The following MEI4 variants were observed in gnomAD, a reference collection of about 807,000 sequenced individuals.
MEI4 encodes the protein meiotic double-stranded break formation protein 4.
MEI4 carries 27 observed loss-of-function variants against 31.4 expected under a neutral mutation model. The observed-to-expected ratio is 0.86, with a 90% CI of 0.63 to 1.19. The LOEUF is 1.19. MEI4 is among the 50% of genes most tolerant of loss of function. The probability of loss-of-function intolerance (pLI) is 0.00; values close to 1 mark genes in which losing one functional copy is unlikely to be tolerated. For missense variants in MEI4, 329 were observed against 398.9 expected (o/e 0.82, Z 1.49); for synonymous variants, 122 against 145.4 (o/e 0.84, Z 1.16).
chr6:77,773,328 A>G (rs1370916346), intron 3 of MEI4, among the ~76,000 whole-genome samples: 1 of 152,038 alleles, frequency 6.6e-6, no homozygotes, highest in Non-Finnish European at 1.5e-5. Context: ...ACTGACATAG[A>G]AACAGACATA....
chr6:77,746,750 G>T (rs879588439), intron 2 of MEI4, among the ~76,000 whole-genome samples: 23 of 151,994 alleles, frequency 1.5e-4, no homozygotes, highest in Non-Finnish European at 2.9e-4. Context: ...GGATAACATA[G>T]TGCTTTCACT....
chr6:77,875,112 G>A (rs1459896020), intron 4 of MEI4, among the ~76,000 whole-genome samples: 1 of 152,082 alleles, frequency 6.6e-6, no homozygotes, highest in Non-Finnish European at 1.5e-5. Context: ...ACAAAAAGGT[G>A]GTTACTCTCA....
chr6:77,778,727 A>T (rs1348267605), intron 3 of MEI4, among the ~76,000 whole-genome samples: 2 of 151,476 alleles, frequency 1.3e-5, no homozygotes, highest in East Asian at 3.9e-4. Flanking sequence ...ATAAATAAAT[A>T]AATAAATAAA....
At chr6:77,740,536 C>T (rs1767372408) in intron 2 of MEI4, among the ~76,000 whole-genome samples, 1 of 152,122 alleles carries the variant, frequency 6.6e-6, no homozygotes. Context: ...CTGAAACACT[C>T]ATATCACAAT....
intron 3 of MEI4, among the ~76,000 whole-genome samples, chr6:77,812,244 G>A (rs1769590224): frequency 6.6e-6 from 1 of 151,728 alleles, no homozygotes; most frequent in Admixed American, 6.6e-5. Flanking sequence ...AAACTCATAT[G>A]AATAATTATT....
At chr6:77,864,944 AC>A (rs1407201111) in intron 4 of MEI4, among the ~76,000 whole-genome samples, 1 of 152,236 alleles carries the variant, frequency 6.6e-6, no homozygotes, top group Non-Finnish European at 1.5e-5. Context: ...AAACCGCTCA[AC>A]TACATGGAAA....
At chr6:77,668,998 A>G (rs1211746633) in intron 1 of MEI4, among the ~76,000 whole-genome samples, 1 of 152,174 alleles carries the variant, frequency 6.6e-6, no homozygotes, top group Non-Finnish European at 1.5e-5. Context: ...TTAATCTAAA[A>G]TTGTGAACTC....
At chr6:77,699,685 G>A (rs1582037099) in intron 2 of MEI4, among the ~76,000 whole-genome samples, 2 of 150,160 alleles carry the variant, frequency 1.3e-5, no homozygotes, top group South Asian at 4.1e-4. Flanking sequence ...GTTTTCTGCT[G>A]TGTTTTTTCC....
intron 4 of MEI4, among the ~76,000 whole-genome samples, chr6:77,909,051 T>G (rs1766367954): frequency 6.6e-6 from 1 of 152,138 alleles, no homozygotes; most frequent in African/African-American, 2.4e-5. Context: ...AGCATATACA[T>G]TCTTTTCAGC....
intron 3 of MEI4, among the ~76,000 whole-genome samples, chr6:77,778,249 A>AT (rs1233307790): frequency 6.6e-6 from 1 of 152,056 alleles, no homozygotes; most frequent in Non-Finnish European, 1.5e-5. Context: ...GAAAATCAGT[A>AT]TTTTTTATGT....
At chr6:77,774,859 T>A (rs1350043200) in intron 3 of MEI4, among the ~76,000 whole-genome samples, 3 of 152,068 alleles carry the variant, frequency 2.0e-5, no homozygotes, top group Admixed American at 6.6e-5. Flanking sequence ...CACAAACTAG[T>A]GCCTTAAAAC....
upstream of MEI4, among the ~76,000 whole-genome samples, chr6:77,652,037 A>G (rs1398529781): frequency 6.6e-6 from 1 of 152,204 alleles, no homozygotes. Context: ...AGGCATGTGT[A>G]CATTAAACTC....
chr6:77,775,315 G>A (rs1733145631), intron 3 of MEI4, among the ~76,000 whole-genome samples: 3 of 152,156 alleles, frequency 2.0e-5, no homozygotes, highest in Non-Finnish European at 4.4e-5. Context: ...CCAGTGTGTG[G>A]TCTTTTTTCT....
chr6:77,826,886 G>A (rs1036285889), intron 3 of MEI4, among the ~76,000 whole-genome samples: 4 of 152,040 alleles, frequency 2.6e-5, no homozygotes, highest in Admixed American at 6.6e-5. Context: ...AAAATTAATT[G>A]GGAAAGTGAT....
At chr6:77,798,592 T>A (rs1176097324) in intron 3 of MEI4, among the ~76,000 whole-genome samples, 1 of 151,102 alleles carries the variant, frequency 6.6e-6, no homozygotes, top group Non-Finnish European at 1.5e-5. Flanking sequence ...GCTGCACCCA[T>A]TAACTCATCA....
intron 1 of MEI4, among the ~76,000 whole-genome samples, chr6:77,673,824 G>A (rs747441151): frequency 6.6e-6 from 1 of 152,116 alleles, no homozygotes; most frequent in African/African-American, 2.4e-5. Flanking sequence ...TAGTGTTCAG[G>A]TTCTGATAAG....
intron 4 of MEI4, among the ~76,000 whole-genome samples, chr6:77,874,564 G>C (rs1245854710): frequency 2.0e-5 from 3 of 152,100 alleles, no homozygotes; most frequent in Non-Finnish European, 4.4e-5. Flanking sequence ...GGGACAATTT[G>C]ACTTCCTCTT....
At chr6:77,910,242 C>G (rs1174274115) in intron 4 of MEI4, among the ~76,000 whole-genome samples, 1 of 152,012 alleles carries the variant, frequency 6.6e-6, no homozygotes, top group African/African-American at 2.4e-5. Context: ...AAAGGGCATT[C>G]AATTAGGAAA....
At chr6:77,857,667 A>G (rs1213117868) in intron 4 of MEI4, among the ~76,000 whole-genome samples, 1 of 152,198 alleles carries the variant, frequency 6.6e-6, no homozygotes, top group Non-Finnish European at 1.5e-5. Flanking sequence ...TATCCATGCC[A>G]GCTGCAAATT....
Sources: allele counts gnomAD v4.1 joint callset (sites outside exome capture counted in the v4.1 genomes callset), GRCh38; gene constraint gnomAD v4.1.1; transcripts MANE v1.5; gene names NCBI Gene and HGNC (gene_info 2026-07-23, HGNC 2026-07-21).